Variants in WNT5B observed in about 807,000 individuals in gnomAD.
The protein encoded by WNT5B is protein Wnt-5b.
WNT5B carries 18 observed loss-of-function variants against 36.5 expected under a neutral mutation model. The observed-to-expected ratio is 0.49, with a 90% CI of 0.34 to 0.73. The LOEUF (loss-of-function observed/expected upper bound fraction) is 0.73, where lower values mean the gene tolerates loss of function less well. Among genes scored for constraint, WNT5B ranks in the 30% least tolerant of loss-of-function variants. The pLI, the probability that WNT5B is intolerant of heterozygous loss-of-function variation, is 0.01. For missense variants in WNT5B, 424 were observed against 508.4 expected, an observed-to-expected ratio of 0.83 and a Z score of 1.60; for synonymous variants, 213 against 212.3, an observed-to-expected ratio of 1.00 and a Z score of -0.03.
intron 4 of WNT5B, among the ~76,000 whole-genome samples, chr12:1,641,182 C>T (rs545545704): frequency 2.6e-5 from 4 of 152,174 alleles, no homozygotes; most frequent in Non-Finnish European, 4.4e-5. Context: ...GCCAGGAGTT[C>T]GAGACCAGCC....
At chr12:1,624,212 C>G (rs936918628) in intron 1 of WNT5B, among the ~76,000 whole-genome samples, 1 of 151,974 alleles carries the variant, frequency 6.6e-6, no homozygotes, top group Admixed American at 6.6e-5. Flanking sequence ...CATGATGAAA[C>G]CCATCTCTAC....
At chr12:1,623,115 G>T (rs1054352437) in intron 1 of WNT5B, among the ~76,000 whole-genome samples, 3 of 151,574 alleles carry the variant, frequency 2.0e-5, no homozygotes, top group South Asian at 2.1e-4. Flanking sequence ...ATTCTGGAAG[G>T]CGTCATGTAA....
Position 1,639,125 on chromosome 12 carries a change from TTGTTTTTTTG to T in WNT5B, c.329-549_329-540del, listed in dbSNP as rs1352537281. Among the ~76,000 whole-genome samples, 10 of 151,976 alleles carry T rather than the reference TTGTTTTTTTG, an allele frequency of 6.6e-5. No homozygotes were observed. The East Asian group carries it at 1.4e-3, about 21-fold the overall frequency. On this transcript the variant is annotated intron_variant, in intron 3 of 4. Transcript: ENST00000397196. ...TAATGCAGGCCAGGACCGGAGGGAC[TTGTTTTTTTG>T]TGTTTTTTTTTCTTTTTTTTGAGAC...
At position 1,639,865 on chromosome 12, in the gene WNT5B, C is replaced by G. The variant is rs551944178; in HGVS notation, c.510C>G (p.Arg170=). 34 of 1,613,984 alleles carry G rather than the reference C, an allele frequency of 2.1e-5. 2 individuals carry two copies. The South Asian group carries it at 3.7e-4, about 18-fold the overall frequency. ...GGGACAACGTGGAGTACGGCTACCGCTTCGCCAAGGAGTTTGTGGATGCCC... is the reference window on the plus strand; with the variant it reads ...GGGACAACGTGGAGTACGGCTACCGGTTCGCCAAGGAGTTTGTGGATGCCC... ...GCGDNVEYGY[R]FAKEFVDARE... The change falls in exon 4 of 5, where the codon CGC becomes CGG. Residue 170 remains arginine, a synonymous_variant. Transcript: ENST00000397196.
intron 3 of WNT5B, among the ~76,000 whole-genome samples, chr12:1,639,167 T>G (rs991531139): frequency 1.6e-4 from 24 of 151,554 alleles, no homozygotes; most frequent in Non-Finnish European, 2.5e-4. Flanking sequence ...AGACAGAGTC[T>G]CACTCTGTCG....
At position 1,646,122 on chromosome 12, in the gene WNT5B, T is replaced by C; in HGVS notation, c.950T>C (p.Met317Thr). ...TSEGMDGCEL[M>T]CCGRGYNQFK... ...GAGGGCATGGATGGCTGTGAGCTCATGTGCTGCGGGCGTGGCTACAACCAG... is the reference window on the plus strand; with the variant it reads ...GAGGGCATGGATGGCTGTGAGCTCACGTGCTGCGGGCGTGGCTACAACCAG... Residue 317 changes from methionine (M) to threonine (T), a missense_variant, in exon 5 of 5, where the codon ATG becomes ACG. Coordinates refer to ENST00000397196, the MANE Select transcript of WNT5B (RefSeq NM_032642.3). 1.9e-6 allele frequency: 3 copies of C among 1,613,992 alleles called. No individual in the cohort carries two copies. Among genetic ancestry groups the C allele is most frequent in the South Asian group, 1.1e-5 (1 of 91,086 alleles).
At chr12:1,617,981 G>T (rs2094529175) in intron 1 of WNT5B, among the ~76,000 whole-genome samples, 1 of 152,012 alleles carries the variant, frequency 6.6e-6, no homozygotes, top group Non-Finnish European at 1.5e-5. Context: ...CTCCACAAAA[G>T]AATTTAAAAA....
In WNT5B at chr12:1,630,320, G is replaced by T. The variant is rs766423557; in HGVS notation, c.-58+949G>T. On this transcript the variant is annotated intron_variant, in intron 1 of 4. Coordinates refer to ENST00000397196, the MANE Select transcript of WNT5B (RefSeq NM_032642.3). The surrounding 1 kb of genome is among the most constrained non-coding windows in gnomAD (Gnocchi z 5.3). The stretch of plus-strand genomic sequence containing the variant: ...GGGAGCCGCAGGGGCCGTGTGTCCC[G>T]AGGCGCAGGCTCGCTCTAGCAGCAC... The T allele has an allele frequency of 3.7e-6, 3 of 809,316 alleles. No individual in the cohort carries two copies. The African/African-American group carries it at 5.6e-5, about 15-fold the overall frequency. 50.1% of individuals were successfully genotyped at this position (809,316 alleles called of 1,614,324 possible). A position where few individuals can be genotyped will look rare whatever the true frequency, so the allele number is the denominator to read the frequency against.
intron 1 of WNT5B, among the ~76,000 whole-genome samples, chr12:1,619,916 C>G (rs1285494485): frequency 7.9e-5 from 12 of 152,230 alleles, no homozygotes; most frequent in African/African-American, 2.6e-4. Flanking sequence ...TGAGGATCTT[C>G]TTTTTTAAGT....
chr12:1,619,861 G>A (rs1013185531), intron 1 of WNT5B, among the ~76,000 whole-genome samples: 28 of 152,074 alleles, frequency 1.8e-4, no homozygotes, highest in Non-Finnish European at 1.3e-4. Flanking sequence ...GTCATCCCAC[G>A]TGGTTGTCTC....
intron 4 of WNT5B, among the ~76,000 whole-genome samples, chr12:1,643,661 C>T (rs895803721): frequency 1.4e-5 from 2 of 141,390 alleles, no homozygotes; most frequent in Admixed American, 7.3e-5. Context: ...CCACCATGCC[C>T]GGCGAACTAA....
chr12:1,626,450 A>G (rs2094541134), upstream of WNT5B, among the ~76,000 whole-genome samples: 2 of 151,170 alleles, frequency 1.3e-5, no homozygotes, highest in Non-Finnish European at 2.9e-5. Flanking sequence ...TTTAGTAGAG[A>G]CAGGGTTTCT....
chr12:1,645,559 G>A (rs578246660), intron 4 of WNT5B, among the ~76,000 whole-genome samples: 28 of 152,322 alleles, frequency 1.8e-4, no homozygotes, highest in African/African-American at 4.6e-4. Flanking sequence ...CCATCCTCCC[G>A]GCTGATGGGG....
upstream of WNT5B, among the ~76,000 whole-genome samples, chr12:1,628,664 C>T (rs1263055905): frequency 3.3e-5 from 5 of 152,200 alleles, no homozygotes; most frequent in Non-Finnish European, 7.3e-5. Flanking sequence ...TAACACAAAA[C>T]CGTCAGCCCC....
chr12:1,634,531 G>A lies in WNT5B; in HGVS notation c.328+1626G>A, dbSNP rs889484171. Among the ~76,000 whole-genome samples the A allele has an allele frequency of 1.2e-4, 19 of 152,284 alleles. No homozygotes were observed. In the Middle Eastern group the frequency reaches 0.01, roughly 82 times the overall value. ...TTCAGATGTGCACTAGGTGGCCAGCGAAAGCAAACCCTGTCGAAGAGAGCC... is the reference window on the plus strand; with the variant it reads ...TTCAGATGTGCACTAGGTGGCCAGCAAAAGCAAACCCTGTCGAAGAGAGCC... On this transcript the variant is annotated intron_variant, in intron 3 of 4. Transcript: ENST00000397196.
intron 3 of WNT5B, among the ~76,000 whole-genome samples, chr12:1,636,508 T>C (rs1321786967): frequency 2.9e-5 from 1 of 34,856 alleles, no homozygotes; most frequent in African/African-American, 1.3e-4. Context: ...TATATATATA[T>C]ATATATATAT....
chr12:1,629,887 C>G (rs2094547037), intron 1 of WNT5B: 1 of 153,170 alleles, frequency 6.5e-6, no homozygotes, highest in African/African-American at 2.4e-5. Flanking sequence ...TAGTCCCGGG[C>G]TGGGGGCCGG....
chr12:1,619,849 T>C (rs2094531513), intron 1 of WNT5B, among the ~76,000 whole-genome samples: 1 of 152,156 alleles, frequency 6.6e-6, no homozygotes, highest in Non-Finnish European at 1.5e-5. Flanking sequence ...TGCCCTCAAA[T>C]AGTCATCCCA....
upstream of WNT5B, among the ~76,000 whole-genome samples, chr12:1,628,195 C>T (rs1253055620): frequency 6.6e-6 from 1 of 150,930 alleles, no homozygotes; most frequent in Non-Finnish European, 1.5e-5. Flanking sequence ...CTTGCTCTGT[C>T]ACCCGGCTGG....
Sources: allele counts gnomAD v4.1 joint callset (sites outside exome capture counted in the v4.1 genomes callset), GRCh38; gene constraint gnomAD v4.1.1; non-coding constraint Gnocchi (gnomAD v3.1); transcripts MANE v1.5; gene names NCBI Gene and HGNC (gene_info 2026-07-23, HGNC 2026-07-21).